The following ST6GALNAC4 variants were observed in gnomAD, a reference collection of about 807,000 sequenced individuals.
ST6GALNAC4 encodes ST6 N-acetylgalactosaminide alpha-2,6-sialyltransferase 4.
A neutral mutation model predicts 30.4 loss-of-function variants in ST6GALNAC4; 24 were observed. That is an observed-to-expected ratio of 0.79 (90% CI 0.57 to 1.11). ST6GALNAC4 has a LOEUF of 1.11. ST6GALNAC4 is among the 50% of genes most tolerant of loss of function. The pLI is 0.00. For synonymous variants in ST6GALNAC4, 156 were observed against 179.7 expected, an observed-to-expected ratio of 0.87 and a Z score of 1.05; for missense variants, 365 against 430.1, an observed-to-expected ratio of 0.85 and a Z score of 1.34.
intron 5 of ST6GALNAC4, among the ~76,000 whole-genome samples, chr9:127,909,566 T>TATAC (rs1430531987): frequency 6.7e-6 from 1 of 150,316 alleles, no homozygotes; most frequent in Admixed American, 6.6e-5. Context: ...TATATATATA[T>TATAC]ATATTTAGGC....
In ST6GALNAC4 at chr9:127,916,426, G is replaced by A; in HGVS notation, c.-7C>T. On this transcript the variant is annotated 5_prime_UTR_variant, in exon 2 of 6. Coordinates refer to ENST00000335791, the MANE Select transcript of ST6GALNAC4 (RefSeq NM_175039.4). ...CACTTACCGGAGCCTTCATGCTGTC[G>A]CTGTCCCTCAGTAGTCTAGGGGCTG... is the stretch of plus-strand genomic sequence containing the variant. The A allele has an allele frequency of 1.2e-6, 2 of 1,614,166 alleles. No homozygotes were observed. Among genetic ancestry groups the A allele is most frequent in the Middle Eastern group, 1.6e-4 (1 of 6,062 alleles).
intron 2 of ST6GALNAC4, chr9:127,916,099 G>A: frequency 2.0e-6 from 1 of 510,090 alleles, no homozygotes; most frequent in Non-Finnish European, 3.5e-6. Flanking sequence ...CGGGGCTTCT[G>A]CAGTAAAGAC....
chr9:127,915,541 C>T (rs992343662), intron 2 of ST6GALNAC4, among the ~76,000 whole-genome samples: 2 of 152,242 alleles, frequency 1.3e-5, no homozygotes, highest in Non-Finnish European at 1.5e-5. Context: ...TGGAGGCTAC[C>T]GCCTCCAGAA....
intron 3 of ST6GALNAC4, among the ~76,000 whole-genome samples, chr9:127,913,973 G>A (rs964939241): frequency 2.6e-5 from 4 of 152,166 alleles, no homozygotes; most frequent in Non-Finnish European, 4.4e-5. Context: ...AACCGGTGGC[G>A]GGAGGCTGAA....
chr9:127,911,481 C>T (rs1564502282), intron 4 of ST6GALNAC4, among the ~76,000 whole-genome samples: 1 of 152,136 alleles, frequency 6.6e-6, no homozygotes, highest in Non-Finnish European at 1.5e-5. Context: ...GCTGTTATTG[C>T]TCTGTTTTGT....
rs1200103744 is a variant in ST6GALNAC4 at position 127,912,332 on chromosome 9, T to C, written c.547A>G (p.Thr183Ala). 3.1e-6 allele frequency: 5 copies of C among 1,613,908 alleles called. No homozygotes were observed. Among genetic ancestry groups the C allele is most frequent in the Non-Finnish European group, 8.5e-7 (1 of 1,180,030 alleles). The change falls in exon 4 of 6, where the codon ACC (threonine) becomes GCC (alanine). Residue 183 changes from threonine to alanine, a missense_variant. Thr to Ala is a moderately conservative substitution (Grantham distance 58). Transcript: ENST00000335791. ...TRMYPGLQVYTFTERMMAYCD... is the reference protein window; with the variant it reads ...TRMYPGLQVYAFTERMMAYCD... ...TAGGCCATCATGCGCTCCGTGAAGG[T>C]GTACACCTGCAGGCCGGGGTACATC...
chr9:127,908,387 G>C lies in ST6GALNAC4; in HGVS notation c.*5C>G, dbSNP rs759892234. On this transcript the variant is annotated 3_prime_UTR_variant, in exon 6 of 6. Transcript: ENST00000335791. Reference sequence around the variant, plus strand: ...ACGGCATGGCGACTGGCAGGACGACGGAAGCTACTCAGTCCTCCAGGACGG... The same window carrying C: ...ACGGCATGGCGACTGGCAGGACGACCGAAGCTACTCAGTCCTCCAGGACGG... 1.3e-6 allele frequency: 2 copies of C among 1,528,954 alleles called. No individual in the cohort carries two copies. The highest frequency in any genetic ancestry group is 1.8e-6 in the Non-Finnish European group (2 of 1,127,610). The allele number at this position is 1,528,954 out of a possible 1,614,324, so 94.7% of individuals were successfully genotyped here. A position where few individuals can be genotyped will look rare whatever the true frequency, so the allele number is the denominator to read the frequency against.
At chr9:127,908,661 C>T (rs1830995177) in intron 5 of ST6GALNAC4, 80 bp from the exon 6 acceptor site, 2 of 1,341,144 alleles carry the variant, frequency 1.5e-6, no homozygotes, top group Non-Finnish European at 2.0e-6. Context: ...CTTGACCACC[C>T]CTCGCCAGGC....
In ST6GALNAC4 at chr9:127,914,749, G is replaced by A. The variant is rs1473470860; in HGVS notation, c.105C>T (p.Ala35=). 1.9e-6 allele frequency: 3 copies of A among 1,608,676 alleles called. No homozygotes were observed. Among genetic ancestry groups the A allele is most frequent in the East Asian group, 4.5e-5 (2 of 44,346 alleles). Reference sequence around the variant, plus strand: ...TGGGGAAGTGGTGGTCCAGGCAGGTGGCCAGGCAGAGGGGCAGGCCGGCCC... The same window carrying A: ...TGGGGAAGTGGTGGTCCAGGCAGGTAGCCAGGCAGAGGGGCAGGCCGGCCC... The part of the protein sequence containing the change: ...CCWAGLPLCL[A]TCLDHHFPTG... Residue 35 remains alanine, a synonymous_variant, in exon 3 of 6, where the codon GCC becomes GCT. Transcript: ENST00000335791.
At chr9:127,916,223 A>T (rs979858022) in intron 2 of ST6GALNAC4, 185 bp downstream of exon 2, 99 of 730,184 alleles carry the variant, frequency 1.4e-4, no homozygotes, top group Non-Finnish European at 2.2e-4. Flanking sequence ...TGCAGAGTGG[A>T]TGCCACCTGC....
chr9:127,908,206 T>C lies in ST6GALNAC4; in HGVS notation c.*186A>G. ...GACACGGCTCCCCCCTCCACTCCCC[T>C]TCAAGTCATGAGGCCTGAGATGGCT... is the stretch of plus-strand genomic sequence containing the variant. On this transcript the variant is annotated 3_prime_UTR_variant, in exon 6 of 6. Coordinates refer to ENST00000335791, the MANE Select transcript of ST6GALNAC4 (RefSeq NM_175039.4). 1 of 228,108 alleles carries C rather than the reference T, an allele frequency of 4.4e-6. No individual in the cohort carries two copies. The allele number at this position is 228,108 out of a possible 1,614,324, so 14.1% of individuals were successfully genotyped here.
chr9:127,913,773 C>A (rs927816946), intron 3 of ST6GALNAC4, among the ~76,000 whole-genome samples: 3 of 152,058 alleles, frequency 2.0e-5, no homozygotes, highest in Admixed American at 6.6e-5. Context: ...TAAAAATTAA[C>A]CAGGTGTGGT....
At chr9:127,910,957 C>CTGA (rs1314282177) in intron 4 of ST6GALNAC4, among the ~76,000 whole-genome samples, 1 of 152,204 alleles carries the variant, frequency 6.6e-6, no homozygotes, top group Non-Finnish European at 1.5e-5. Context: ...GGCACTCCTT[C>CTGA]TGATGGGGTG....
At chr9:127,909,516 A>G (rs1831025197) in intron 5 of ST6GALNAC4, among the ~76,000 whole-genome samples, 1 of 150,138 alleles carries the variant, frequency 6.7e-6, no homozygotes, top group African/African-American at 2.4e-5. Context: ...CACATATAAT[A>G]TCAAAAATTA....
At chr9:127,912,224 C>T in intron 4 of ST6GALNAC4, 44 bp downstream of exon 4, 3 of 1,566,508 alleles carry the variant, frequency 1.9e-6, no homozygotes, top group Admixed American at 1.8e-5. Context: ...AGAAGGAAGG[C>T]CCCAGCTGCC....
At chr9:127,912,905 A>T (rs931561174) in intron 3 of ST6GALNAC4, among the ~76,000 whole-genome samples, 2 of 152,130 alleles carry the variant, frequency 1.3e-5, no homozygotes, top group African/African-American at 2.4e-5. Flanking sequence ...CTTCCTCATC[A>T]GCCATATTTG....
intron 4 of ST6GALNAC4, chr9:127,910,385 C>A: frequency 9.0e-7 from 1 of 1,109,060 alleles, no homozygotes; most frequent in Non-Finnish European, 1.1e-6. Flanking sequence ...GGGACCAGGC[C>A]TGGGGAGACA....
chr9:127,910,744 G>A (rs1360274802), intron 4 of ST6GALNAC4, among the ~76,000 whole-genome samples: 1 of 152,116 alleles, frequency 6.6e-6, no homozygotes, highest in African/African-American at 2.4e-5. Context: ...CATTCAAACT[G>A]AGCCCCACCC....
chr9:127,910,493 A>T, intron 4 of ST6GALNAC4: 1 of 1,011,552 alleles, frequency 9.9e-7, no homozygotes, highest in Non-Finnish European at 1.2e-6. Context: ...TGGGCATCAC[A>T]TTTGCTCGTG....
Sources: gnomAD v4.1 joint callset for allele counts (sites outside exome capture counted in the v4.1 genomes callset) on GRCh38, gnomAD v4.1.1 for gene constraint, MANE v1.5 for transcripts, NCBI Gene and HGNC (gene_info 2026-07-23, HGNC 2026-07-21) for gene names.